PARP2: variants seen among roughly 807,000 people sequenced by gnomAD.
PARP2 encodes the protein poly [ADP-ribose] polymerase 2.
A neutral mutation model predicts 77.8 loss-of-function variants in PARP2; 57 were observed. The observed-to-expected ratio is 0.73, with a 90% CI of 0.59 to 0.91. PARP2 has a LOEUF of 0.91. Ranked by LOEUF, PARP2 falls within the 40% of genes least tolerant of loss-of-function variation. PARP2 has a pLI of 0.00. For missense variants in PARP2, 651 were observed against 689.0 expected (o/e 0.94, Z 0.62); for synonymous variants, 226 against 242.6 (o/e 0.93, Z 0.64).
intron 3 of PARP2, 165 bp from the exon 4 acceptor site, chr14:20,346,698 C>T (rs1275852827): frequency 1.2e-5 from 7 of 576,390 alleles, no homozygotes; most frequent in Non-Finnish European, 2.2e-5. Context: ...TAAGGTTACA[C>T]CCAGGTTACT....
chr14:20,347,377 TATATATATATATATATATATA>T (rs1218815090), intron 4 of PARP2, among the ~76,000 whole-genome samples: 24 of 18,416 alleles, frequency 1.3e-3, no homozygotes, highest in South Asian at 3.2e-3. Context: ...TATATATATA[TATATATATATATATATATATA>T]TTTTTTTTTT....
intron 14 of PARP2, 59 bp from the exon 15 acceptor site, chr14:20,357,337 C>A: frequency 1.3e-6 from 2 of 1,560,926 alleles, no homozygotes; most frequent in South Asian, 1.2e-5. Context: ...TTCTGTTTGG[C>A]TTTGGAGCCA....
At chr14:20,357,203 G>A (rs3093939) in intron 14 of PARP2, 54 bp downstream of exon 14, 387,400 of 1,446,618 alleles carry the variant, frequency 0.27, 54,134 homozygotes, top group South Asian at 0.36. Context: ...GTTTTTTTCC[G>A]ATGAGAAAAG....
At chr14:20,343,818 G>A (rs1017666388) in intron 1 of PARP2, 131 bp downstream of exon 1, 3 of 951,636 alleles carry the variant, frequency 3.2e-6, no homozygotes, top group Non-Finnish European at 3.2e-6. Context: ...CAGTTGGGGT[G>A]CTAAATTTTG....
chr14:20,350,497 TTTTTTG>T (rs747540603), intron 4 of PARP2, 23 bp from the exon 5 acceptor site: 1 of 1,281,986 alleles, frequency 7.8e-7, no homozygotes, highest in African/African-American at 1.5e-5. Flanking sequence ...AAAACTCCTT[TTTTTTG>T]TTTTTGTTTT....
chr14:20,354,919 T>C lies in PARP2; in HGVS notation c.874T>C (p.Phe292Leu). Residue 292 changes from phenylalanine (F) to leucine (L), a missense_variant, in exon 9 of 16, where the codon TTC becomes CTC. Coordinates refer to ENST00000429687, the MANE Select transcript of PARP2 (RefSeq NM_001042618.2). Reference sequence around the variant, plus strand: ...AGCTCTCATGGAAGCATGCAATGAATTCTACACCAGGATTCCGCATGACTT... The same window carrying C: ...AGCTCTCATGGAAGCATGCAATGAACTCTACACCAGGATTCCGCATGACTT... Reference protein sequence around the residue: ...GRALMEACNEFYTRIPHDFGL... With the variant: ...GRALMEACNELYTRIPHDFGL... 6.2e-7 allele frequency: 1 copy of C among 1,613,864 alleles called. No homozygotes were observed. Among genetic ancestry groups the C allele is most frequent in the African/African-American group, 1.3e-5 (1 of 74,962 alleles).
chr14:20,347,074 G>A (rs2678684), intron 4 of PARP2, among the ~76,000 whole-genome samples, 161 bp downstream of exon 4: 31,056 of 146,664 alleles, frequency 0.21, 7,505 homozygotes, highest in African/African-American at 0.6. Context: ...CATCTCTCAG[G>A]CTGGAATACA....
Position 20,355,930 on chromosome 14 carries a change from G to C in PARP2, c.1000G>C (p.Val334Leu). 1 of 1,614,114 alleles carries C rather than the reference G, an allele frequency of 6.2e-7. No homozygotes were observed. Residue 334 changes from valine to leucine, a missense_variant, in exon 11 of 16, where the codon GTG (valine) becomes CTG (leucine). Physicochemically the swap from Val to Leu is conservative, Grantham distance 32. Transcript: ENST00000429687. ...LGDIEIAIKL[V>L]KTELQSPEHP... The stretch of plus-strand genomic sequence containing the variant: ...AGACATTGAAATTGCTATTAAGCTG[G>C]TGAAAACAGAGCTACAAAGCCCAGA...
intron 1 of PARP2, chr14:20,344,152 G>A (rs1251497441): frequency 2.5e-5 from 4 of 162,040 alleles, no homozygotes; most frequent in African/African-American, 7.2e-5. Flanking sequence ...AGGTTCTATT[G>A]TACTTCTCTA....
intron 9 of PARP2, chr14:20,355,314 A>G (rs1884105431): frequency 5.3e-6 from 1 of 188,430 alleles, no homozygotes; most frequent in Non-Finnish European, 1.1e-5. Context: ...GATAGACAAA[A>G]TAACATTTTA....
At position 20,352,302 on chromosome 14, in the gene PARP2, T is replaced by G. The variant is rs1370265907; in HGVS notation, c.555T>G (p.Pro185=). The G allele has an allele frequency of 6.2e-6, 10 of 1,612,926 alleles. No homozygotes were observed. The Admixed American group carries it at 1.5e-4, about 24-fold the overall frequency. Reference sequence around the variant, plus strand: ...ATCGAGAAAAGTTTGAGAAGGTGCCTGGAAAATATGATATGCTACAGATGG... The same window carrying G: ...ATCGAGAAAAGTTTGAGAAGGTGCCGGGAAAATATGATATGCTACAGATGG... ...WEDREKFEKV[P]GKYDMLQMDY... Residue 185 remains proline (P), a synonymous_variant, in exon 7 of 16, where the codon CCT becomes CCG. Coordinates refer to ENST00000429687, the MANE Select transcript of PARP2 (RefSeq NM_001042618.2).
rs1333927646 is a variant in PARP2 at position 20,357,434 on chromosome 14, T to C, written c.1467T>C (p.Asn489=). 6.2e-7 allele frequency: 1 copy of C among 1,613,716 alleles called. No individual in the cohort carries two copies. The highest frequency in any genetic ancestry group is 1.7e-5 in the Admixed American group (1 of 59,876). ...AGTGTAATGAACTACTAGAGGCCAA[T>C]CCTAAGGCCGAAGGATTGCTTCAAG... is the stretch of plus-strand genomic sequence containing the variant. ...LGQCNELLEA[N]PKAEGLLQGK... is the part of the protein sequence containing the mutation. Residue 489 remains asparagine (N), a synonymous_variant, in exon 15 of 16, where the codon AAT becomes AAC. Coordinates refer to ENST00000429687, the MANE Select transcript of PARP2 (RefSeq NM_001042618.2).
At chr14:20,352,368 C>T (rs775310567) in intron 7 of PARP2, 21 bp downstream of exon 7, 9 of 1,373,068 alleles carry the variant, frequency 6.6e-6, no homozygotes, top group African/African-American at 2.9e-5. Context: ...CTATACTTTT[C>T]GAAAGAAACA....
intron 7 of PARP2, 111 bp from the exon 8 acceptor site, chr14:20,353,974 G>C: frequency 1.2e-6 from 1 of 821,536 alleles, no homozygotes; most frequent in Non-Finnish European, 1.9e-6. Flanking sequence ...TCCCTAGACA[G>C]TGCAATATAA....
chr14:20,356,458 G>A (rs755722054), intron 12 of PARP2, 24 bp downstream of exon 12: 58 of 1,613,996 alleles, frequency 3.6e-5, no homozygotes, highest in Admixed American at 2.2e-4. Flanking sequence ...TTTGCGTTTG[G>A]AAAGACACTC....
intron 6 of PARP2, 100 bp from the exon 7 acceptor site, chr14:20,352,143 TCA>T: frequency 1.6e-6 from 1 of 644,380 alleles, no homozygotes; most frequent in Non-Finnish European, 2.8e-6. Context: ...GTAAAGGAGC[TCA>T]GTGCTGGAAA....
intron 7 of PARP2, 23 bp downstream of exon 7, chr14:20,352,370 A>T (rs1883987358): frequency 7.4e-7 from 1 of 1,358,146 alleles, no homozygotes; most frequent in Non-Finnish European, 1.0e-6. Context: ...ATACTTTTCG[A>T]AAGAAACACA....
chr14:20,353,935 A>G (rs867758007), intron 7 of PARP2, 150 bp from the exon 8 acceptor site: 2 of 621,228 alleles, frequency 3.2e-6, no homozygotes, highest in Non-Finnish European at 5.5e-6. Context: ...CTGAACCTGT[A>G]CAGCCTTTTT....
intron 4 of PARP2, among the ~76,000 whole-genome samples, chr14:20,347,874 T>C (rs989114743): frequency 2.7e-5 from 4 of 149,798 alleles, no homozygotes; most frequent in Non-Finnish European, 4.5e-5. Context: ...TTTGCACATT[T>C]TTTTTTTTTT....
Sources: allele counts gnomAD v4.1 joint callset (sites outside exome capture counted in the v4.1 genomes callset), GRCh38; gene constraint gnomAD v4.1.1; transcripts MANE v1.5; gene names NCBI Gene and HGNC (gene_info 2026-07-23, HGNC 2026-07-21).